Variants in EDRF1 observed in about 807,000 individuals in gnomAD.
The protein encoded by EDRF1 is erythroid differentiation-related factor 1.
In EDRF1, 69 loss-of-function variants were observed where a neutral mutation model predicts 148.7. The observed-to-expected ratio is 0.46, with a 90% CI of 0.38 to 0.57. EDRF1 has a LOEUF of 0.57. Among genes scored for constraint, EDRF1 ranks in the 20% least tolerant of loss-of-function variants. The probability of loss-of-function intolerance (pLI) is 0.00; values close to 1 mark genes in which losing one functional copy is unlikely to be tolerated. For synonymous variants in EDRF1, 515 were observed against 532.8 expected, an observed-to-expected ratio of 0.97 and a Z score of 0.46; for missense variants, 1,118 against 1,478.7, an observed-to-expected ratio of 0.76 and a Z score of 4.00.
chr10:125,730,430 C>T (rs1179900626), intron 9 of EDRF1, 31 bp downstream of exon 9: 28 of 1,549,574 alleles, frequency 1.8e-5, no homozygotes, highest in Non-Finnish European at 2.4e-5. Context: ...TCTGATCTCT[C>T]AAATGCAAAT....
chr10:125,747,286 G>T, intron 19 of EDRF1: 1 of 515,238 alleles, frequency 1.9e-6, no homozygotes. Flanking sequence ...TCAGAAAGCA[G>T]CAGCACGGAT....
intron 19 of EDRF1, 116 bp downstream of exon 19, chr10:125,746,046 A>G (rs930628928): frequency 2.3e-6 from 2 of 871,276 alleles, no homozygotes; most frequent in Admixed American, 4.1e-5. Context: ...TGCTAATGAT[A>G]CAACACCAGA....
intron 11 of EDRF1, 61 bp downstream of exon 11, chr10:125,733,804 C>A: frequency 6.8e-7 from 1 of 1,461,796 alleles, no homozygotes; most frequent in Non-Finnish European, 9.6e-7. Flanking sequence ...TTAAAGCATA[C>A]AGTCACAGTT....
chr10:125,758,457 T>C (rs547087456), intron 24 of EDRF1, among the ~76,000 whole-genome samples: 2 of 152,204 alleles, frequency 1.3e-5, no homozygotes, highest in Non-Finnish European at 2.9e-5. Flanking sequence ...AGAAATATTT[T>C]TTTTTTGCCT....
At chr10:125,721,492 A>G in intron 2 of EDRF1, 80 bp downstream of exon 2, 1 of 1,290,702 alleles carries the variant, frequency 7.7e-7, no homozygotes, top group East Asian at 2.4e-5. Context: ...TTCAGTTTGT[A>G]ATGCCTATTA....
chr10:125,757,693 G>A (rs1192270417), intron 24 of EDRF1, among the ~76,000 whole-genome samples: 1 of 152,192 alleles, frequency 6.6e-6, no homozygotes, highest in East Asian at 1.9e-4. Flanking sequence ...AGATCTTTGA[G>A]CAGAGTATAG....
At chr10:125,745,065 G>GA (rs1321611118) in intron 18 of EDRF1, among the ~76,000 whole-genome samples, 1 of 152,204 alleles carries the variant, frequency 6.6e-6, no homozygotes, top group African/African-American at 2.4e-5. Flanking sequence ...GCTACTAAGT[G>GA]ACTAATGGGT....
At position 125,743,252 on chromosome 10, in the gene EDRF1, G is replaced by A. The variant is rs1420342868; in HGVS notation, c.2566G>A (p.Ala856Thr). 1 of 1,613,538 alleles carries A rather than the reference G, an allele frequency of 6.2e-7. No homozygotes were observed. The highest frequency in any genetic ancestry group is 1.3e-5 in the African/African-American group (1 of 74,910). ...TGGTGTGTTTTACATGAATCAGGCTGCTGCATTACAGAGTGAGAGACTAGG... is the reference window on the plus strand; with the variant it reads ...TGGTGTGTTTTACATGAATCAGGCTACTGCATTACAGAGTGAGAGACTAGG... ...EIGVFYMNQAAALQSERLVSK... is the reference protein window; with the variant it reads ...EIGVFYMNQATALQSERLVSK... The change falls in exon 18 of 25, where the codon GCT (alanine) becomes ACT (threonine). Residue 856 changes from alanine (A) to threonine (T), a missense_variant. This residue lies in a region of EDRF1 where 954 missense variants were observed against 1,241.4 expected (regional missense o/e 0.77). Coordinates refer to ENST00000356792, the MANE Select transcript of EDRF1 (RefSeq NM_001202438.2).
At chr10:125,744,390 C>T (rs1849224674) in intron 18 of EDRF1, among the ~76,000 whole-genome samples, 1 of 152,116 alleles carries the variant, frequency 6.6e-6, no homozygotes, top group South Asian at 2.1e-4. Flanking sequence ...TGCTGGGTTG[C>T]CCAGGCTGGT....
intron 13 of EDRF1, 48 bp downstream of exon 13, chr10:125,735,952 G>A (rs567276237): frequency 2.6e-6 from 4 of 1,513,400 alleles, no homozygotes; most frequent in East Asian, 4.5e-5. Context: ...AAACATAATT[G>A]TTAATCGAAT....
rs553135769 is a variant in EDRF1 at position 125,719,779 on chromosome 10, C to A, written c.-29C>A. ...TGCTGCTGCTGCTCCTCCGCTCCCC[C>A]GTCGTATCGCCTGCCCTGGATCGAA... On this transcript the variant is annotated 5_prime_UTR_variant, in exon 1 of 25. Coordinates refer to ENST00000356792, the MANE Select transcript of EDRF1 (RefSeq NM_001202438.2). 1.8e-5 allele frequency: 29 copies of A among 1,584,312 alleles called. No homozygotes were observed. The highest frequency in any genetic ancestry group is 2.5e-5 in the Non-Finnish European group (29 of 1,159,458).
Position 125,743,076 on chromosome 10 carries a change from A to C in EDRF1, c.2390A>C (p.Asp797Ala). Residue 797 changes from aspartate (D) to alanine (A), a missense_variant, in exon 18 of 25, where the codon GAT (aspartate) becomes GCT (alanine). Asp to Ala is a moderately radical substitution (Grantham distance 126). Coordinates refer to ENST00000356792, the MANE Select transcript of EDRF1 (RefSeq NM_001202438.2). ...SSCQGFAWAT[D>A]LSTDLESQLS... ...TTTTCAGGATTTGCATGGGCAACTG[A>C]TTTGTCTACAGACTTAGAAAGTCAA... is the stretch of plus-strand genomic sequence containing the variant. 1 of 1,613,756 alleles carries C rather than the reference A, an allele frequency of 6.2e-7. No individual in the cohort carries two copies. The highest frequency in any genetic ancestry group is 8.5e-7 in the Non-Finnish European group (1 of 1,179,908).
At chr10:125,723,308 A>G (rs1848093291) in intron 3 of EDRF1, among the ~76,000 whole-genome samples, 174 bp downstream of exon 3, 1 of 152,208 alleles carries the variant, frequency 6.6e-6, no homozygotes, top group African/African-American at 2.4e-5. Context: ...ATCATTGTTT[A>G]CCACATTTGT....
intron 23 of EDRF1, among the ~76,000 whole-genome samples, chr10:125,753,416 T>C (rs1849740101): frequency 6.6e-6 from 1 of 152,218 alleles, no homozygotes. Context: ...CTTCTAGCCC[T>C]GCTTGGTCAA....
intron 21 of EDRF1, chr10:125,748,590 T>TC (rs34148291): frequency 0.61 from 97,985 of 160,186 alleles, 32,783 homozygotes; most frequent in East Asian, 0.77. Flanking sequence ...TTGTTGATTT[T>TC]CCCCCCCCGT....
rs773275817 is a variant in EDRF1 at position 125,719,921 on chromosome 10, T to G, written c.108+6T>G. 1 of 1,610,738 alleles carries G rather than the reference T, an allele frequency of 6.2e-7. No homozygotes were observed. Among genetic ancestry groups the G allele is most frequent in the Non-Finnish European group, 8.5e-7 (1 of 1,178,260 alleles). ...CCGAGGAATCTTCTGCACAGGTGAG[T>G]CCTCCGCGGAGGGGGACCTGCCAGG... On this transcript the variant is annotated splice_donor_region_variant and intron_variant, in intron 1 of 24. Coordinates refer to ENST00000356792, the MANE Select transcript of EDRF1 (RefSeq NM_001202438.2).
chr10:125,763,259 T>C lies in EDRF1; in HGVS notation c.3546-42T>C, dbSNP rs923329736. On this transcript the variant is annotated intron_variant, in intron 24 of 24. Coordinates refer to ENST00000356792, the MANE Select transcript of EDRF1 (RefSeq NM_001202438.2). The surrounding 1 kb of genome is among the most constrained non-coding windows in gnomAD (Gnocchi z 4.3). ...TGGACCTCTGAATTGTCGGTAGGCA[T>C]TGCTGGTCCCTTACCTGTCTCTTTT... 1 of 1,585,820 alleles carries C rather than the reference T, an allele frequency of 6.3e-7. No homozygotes were observed. The highest frequency in any genetic ancestry group is 8.6e-7 in the Non-Finnish European group (1 of 1,162,498).
chr10:125,723,196 A>T lies in EDRF1; in HGVS notation c.384+62A>T. ...TGTTTTGTGATAGGTGTTTTATATC[A>T]TGCTGTGTTTTGCATAATATAAATG... On this transcript the variant is annotated intron_variant, in intron 3 of 24. Coordinates refer to ENST00000356792, the MANE Select transcript of EDRF1 (RefSeq NM_001202438.2). 3.5e-6 allele frequency: 5 copies of T among 1,411,634 alleles called. No homozygotes were observed. The South Asian group carries it at 4.6e-5, about 13-fold the overall frequency. The allele number at this position is 1,411,634 out of a possible 1,614,324, so 87.4% of individuals were successfully genotyped here.
At chr10:125,735,205 T>C (rs1252822045) in intron 12 of EDRF1, among the ~76,000 whole-genome samples, 3 of 152,074 alleles carry the variant, frequency 2.0e-5, no homozygotes, top group South Asian at 2.1e-4. Context: ...GTTTTTTTTT[T>C]CTAGAACCAT....
Sources: allele counts gnomAD v4.1 joint callset (sites outside exome capture counted in the v4.1 genomes callset), GRCh38; gene constraint gnomAD v4.1.1; regional missense constraint gnomAD v4.1.1; non-coding constraint Gnocchi (gnomAD v3.1); transcripts MANE v1.5; gene names NCBI Gene and HGNC (gene_info 2026-07-23, HGNC 2026-07-21).